SEMA6D: variants seen among roughly 807,000 people sequenced by gnomAD.
SEMA6D encodes semaphorin-6D.
In SEMA6D, 35 loss-of-function variants were observed where a neutral mutation model predicts 106.6. That is an observed-to-expected ratio of 0.33 (90% CI 0.25 to 0.44). SEMA6D has a LOEUF of 0.44. Among genes scored for constraint, SEMA6D ranks in the 20% least tolerant of loss-of-function variants. SEMA6D has a pLI of 1.00. For missense variants in SEMA6D, 1,185 were observed against 1,345.9 expected (o/e 0.88, Z 1.87); for synonymous variants, 499 against 487.7 (o/e 1.02, Z -0.31).
chr15:47,338,449 C>T (rs974516948), intron 1 of SEMA6D, among the ~76,000 whole-genome samples: 25 of 152,134 alleles, frequency 1.6e-4, no homozygotes, highest in African/African-American at 5.8e-4. Flanking sequence ...GCTTATTTCA[C>T]ATTACATGCC....
At chr15:47,565,676 G>A (rs1176856229) in intron 3 of SEMA6D, among the ~76,000 whole-genome samples, 1 of 152,158 alleles carries the variant, frequency 6.6e-6, no homozygotes, top group African/African-American at 2.4e-5. Flanking sequence ...TCTGGGGTGG[G>A]GAGGAATTAA....
chr15:47,499,613 G>T (rs1448831004), intron 3 of SEMA6D, among the ~76,000 whole-genome samples: 1 of 152,070 alleles, frequency 6.6e-6, no homozygotes, highest in East Asian at 1.9e-4. Context: ...TTTCAGTTGT[G>T]TGATTTTAAG....
chr15:47,218,000 T>C (rs1340053897), intron 1 of SEMA6D, among the ~76,000 whole-genome samples: 3 of 152,036 alleles, frequency 2.0e-5, no homozygotes, highest in Non-Finnish European at 4.4e-5. Flanking sequence ...GGAAATTTTG[T>C]TTTCTGAGCA....
chr15:47,712,455 A>G (rs2079039444), intron 4 of SEMA6D, among the ~76,000 whole-genome samples: 1 of 152,204 alleles, frequency 6.6e-6, no homozygotes, highest in Non-Finnish European at 1.5e-5. Context: ...TTCTTTGTTC[A>G]TAAAATGATG....
chr15:47,228,761 A>G (rs999146998), intron 1 of SEMA6D, among the ~76,000 whole-genome samples: 1 of 152,030 alleles, frequency 6.6e-6, no homozygotes, highest in African/African-American at 2.4e-5. Context: ...GAGACTGGCT[A>G]TAACAAATCT....
At chr15:47,294,468 C>T (rs4775678) in intron 1 of SEMA6D, among the ~76,000 whole-genome samples, 66,913 of 152,012 alleles carry the variant, frequency 0.44, 15,458 homozygotes, top group Middle Eastern at 0.58. Flanking sequence ...GTGCTTTGCC[C>T]ACCTTGGCCT....
chr15:47,492,184 T>C (rs1436949297), intron 3 of SEMA6D, among the ~76,000 whole-genome samples: 1 of 152,146 alleles, frequency 6.6e-6, no homozygotes, highest in Non-Finnish European at 1.5e-5. Context: ...TCAAATGCTG[T>C]GACATGAAGT....
chr15:47,604,292 A>G (rs527355503), intron 4 of SEMA6D: 1 of 152,364 alleles, frequency 6.6e-6, no homozygotes, highest in South Asian at 2.1e-4. Flanking sequence ...ACATAAAGAA[A>G]GTGCTTAACA....
At chr15:47,430,266 A>G (rs1167262649) in intron 2 of SEMA6D, among the ~76,000 whole-genome samples, 1 of 152,014 alleles carries the variant, frequency 6.6e-6, no homozygotes, top group Non-Finnish European at 1.5e-5. Flanking sequence ...CCTTTTTGTT[A>G]GCATAGGAAT....
intron 1 of SEMA6D, among the ~76,000 whole-genome samples, chr15:47,343,623 A>G (rs2144574516): frequency 6.6e-6 from 1 of 152,208 alleles, no homozygotes; most frequent in East Asian, 1.9e-4. Context: ...TCCATGGTGT[A>G]TATGTGCCAC....
intron 3 of SEMA6D, among the ~76,000 whole-genome samples, chr15:47,583,853 A>G (rs919325235): frequency 6.6e-6 from 1 of 152,156 alleles, no homozygotes; most frequent in African/African-American, 2.4e-5. Context: ...GAGGTCAAAG[A>G]GGTTACTGGG....
chr15:47,362,563 T>G (rs1162346103), intron 1 of SEMA6D, among the ~76,000 whole-genome samples: 1 of 152,140 alleles, frequency 6.6e-6, no homozygotes, highest in Non-Finnish European at 1.5e-5. Flanking sequence ...AGGCCTCTTA[T>G]GTGAGCTTGC....
intron 4 of SEMA6D, among the ~76,000 whole-genome samples, chr15:47,622,232 T>C: frequency 6.8e-6 from 1 of 146,044 alleles, no homozygotes; most frequent in East Asian, 2.0e-4. Flanking sequence ...AATGAAAATA[T>C]GGGAGGGATT....
At chr15:47,544,469 G>T (rs1185099383) in intron 3 of SEMA6D, among the ~76,000 whole-genome samples, 3 of 152,224 alleles carry the variant, frequency 2.0e-5, no homozygotes, top group South Asian at 4.1e-4. Flanking sequence ...TCAAAAGTAA[G>T]TTAAAAATAC....
chr15:47,350,298 A>G (rs1336065162), intron 1 of SEMA6D, among the ~76,000 whole-genome samples: 2 of 152,160 alleles, frequency 1.3e-5, no homozygotes, highest in Non-Finnish European at 2.9e-5. Flanking sequence ...GCTTGCATAC[A>G]TCAGCCTCAT....
At chr15:47,438,249 C>T (rs1183250583) in intron 2 of SEMA6D, among the ~76,000 whole-genome samples, 1 of 152,028 alleles carries the variant, frequency 6.6e-6, no homozygotes. Flanking sequence ...TCATGGCTTC[C>T]ATTGCACCAC....
intron 4 of SEMA6D, among the ~76,000 whole-genome samples, chr15:47,694,268 T>G (rs538436720): frequency 6.6e-6 from 1 of 152,120 alleles, no homozygotes; most frequent in African/African-American, 2.4e-5. Context: ...CTTTACATGT[T>G]AGAAGGTCAA....
chr15:47,442,073 A>G (rs1241078688), intron 2 of SEMA6D, among the ~76,000 whole-genome samples: 1 of 152,152 alleles, frequency 6.6e-6, no homozygotes, highest in Non-Finnish European at 1.5e-5. Context: ...CATTCAGTAT[A>G]TTATAATTAG....
At chr15:47,223,720 C>T (rs1253360277) in intron 1 of SEMA6D, among the ~76,000 whole-genome samples, 1 of 152,022 alleles carries the variant, frequency 6.6e-6, no homozygotes, top group Non-Finnish European at 1.5e-5. Flanking sequence ...TCATAAAGCT[C>T]AAATTCGGTC....
Sources: allele counts gnomAD v4.1 joint callset (sites outside exome capture counted in the v4.1 genomes callset), GRCh38; gene constraint gnomAD v4.1.1; transcripts MANE v1.5; gene names NCBI Gene and HGNC (gene_info 2026-07-23, HGNC 2026-07-21).